The following FAM184B variants were observed in gnomAD, a reference collection of about 807,000 sequenced individuals.
FAM184B encodes protein FAM184B.
A neutral mutation model predicts 135.9 loss-of-function variants in FAM184B; 111 were observed. The observed-to-expected ratio is 0.82, with a 90% CI of 0.70 to 0.96. The LOEUF is 0.96. FAM184B is among the 40% of genes least tolerant of loss of function. FAM184B has a pLI of 0.00. For synonymous variants in FAM184B, 552 were observed against 524.8 expected (o/e 1.05, Z -0.71); for missense variants, 1,375 against 1,323.9 (o/e 1.04, Z -0.60).
chr4:17,660,747 G>A (rs775875574), intron 8 of FAM184B, among the ~76,000 whole-genome samples: 6 of 150,360 alleles, frequency 4.0e-5, no homozygotes, highest in Non-Finnish European at 8.8e-5. Context: ...AAGTGTGATC[G>A]GTTTAGATTG....
At chr4:17,637,323 G>A (rs368509726) in intron 14 of FAM184B, among the ~76,000 whole-genome samples, 2 of 152,186 alleles carry the variant, frequency 1.3e-5, no homozygotes, top group Admixed American at 6.5e-5. Context: ...CACCGCGCCC[G>A]GCCCCCACTG....
At chr4:17,750,510 G>A (rs1022093248) in intron 1 of FAM184B, among the ~76,000 whole-genome samples, 1 of 152,082 alleles carries the variant, frequency 6.6e-6, no homozygotes, top group Admixed American at 6.6e-5. Flanking sequence ...GGCATTTTGG[G>A]CTGGATAATT....
chr4:17,769,556 A>C (rs1718767604), intron 1 of FAM184B, among the ~76,000 whole-genome samples: 1 of 152,088 alleles, frequency 6.6e-6, no homozygotes, highest in South Asian at 2.1e-4. Flanking sequence ...ACTAAGTAAG[A>C]TATTAGCTTG....
intron 1 of FAM184B, among the ~76,000 whole-genome samples, chr4:17,731,313 A>C (rs1242480597): frequency 6.6e-6 from 1 of 152,216 alleles, no homozygotes; most frequent in African/African-American, 2.4e-5. Context: ...ACAGGACTAA[A>C]TAAACACATA....
chr4:17,667,334 G>A (rs1367857379), intron 7 of FAM184B, among the ~76,000 whole-genome samples: 1 of 152,200 alleles, frequency 6.6e-6, no homozygotes, highest in Non-Finnish European at 1.5e-5. Context: ...TGGGCATGTG[G>A]CTGGAGGGTG....
At chr4:17,707,943 C>T (rs1209647018) in intron 2 of FAM184B, among the ~76,000 whole-genome samples, 159 bp from the exon 3 acceptor site, 1 of 152,156 alleles carries the variant, frequency 6.6e-6, no homozygotes, top group Non-Finnish European at 1.5e-5. Flanking sequence ...AATCTCTCCT[C>T]ATCCTCTGGC....
chr4:17,656,831 C>G (rs913461296), intron 10 of FAM184B, among the ~76,000 whole-genome samples: 9 of 152,114 alleles, frequency 5.9e-5, no homozygotes, highest in Admixed American at 2.0e-4. Context: ...TCTCTGTCTC[C>G]TGTCCTCGGA....
At chr4:17,696,834 A>AATGAATGAATG (rs56155024) in intron 5 of FAM184B, among the ~76,000 whole-genome samples, 11 of 146,448 alleles carry the variant, frequency 7.5e-5, no homozygotes, top group African/African-American at 2.1e-4. Context: ...ATGAATGAAT[A>AATGAATGAATG]AATAAATAAA....
intron 13 of FAM184B, among the ~76,000 whole-genome samples, chr4:17,639,732 C>G (rs982906758): frequency 3.9e-5 from 6 of 152,034 alleles, no homozygotes; most frequent in African/African-American, 1.4e-4. Flanking sequence ...AGGCAAGAGG[C>G]TGAGATTCTC....
At chr4:17,768,301 G>A (rs1486652264) in intron 1 of FAM184B, among the ~76,000 whole-genome samples, 3 of 152,234 alleles carry the variant, frequency 2.0e-5, no homozygotes, top group East Asian at 1.9e-4. Flanking sequence ...TATTTGAGAC[G>A]AAGTCTCTTG....
chr4:17,658,313 G>T (rs10939742), intron 10 of FAM184B, 37 bp downstream of exon 10: 912,946 of 1,541,872 alleles, frequency 0.59, 278,694 homozygotes, highest in East Asian at 0.9. Flanking sequence ...CCTAGCAGGT[G>T]CCCGGCACAG....
In FAM184B at chr4:17,709,400, G is replaced by A. The variant is rs977021514; in HGVS notation, c.386C>T (p.Thr129Met). 12 of 1,520,294 alleles carry A rather than the reference G, an allele frequency of 7.9e-6. No homozygotes were observed. The highest frequency in any genetic ancestry group is 1.1e-5 in the Non-Finnish European group (12 of 1,129,034). The allele number at this position is 1,520,294 out of a possible 1,614,324, so 94.2% of individuals were successfully genotyped here. ...LAESASCRLETKERELRVEAE... is the reference protein window; with the variant it reads ...LAESASCRLEMKERELRVEAE... Reference sequence around the variant, plus strand: ...CTCCACCCTCAGCTCTCTCTCCTTCGTCTCCAGCCTGCACGAGGCCGACTC... The same window carrying A: ...CTCCACCCTCAGCTCTCTCTCCTTCATCTCCAGCCTGCACGAGGCCGACTC... The change falls in exon 2 of 18, where the codon ACG (threonine) becomes ATG (methionine). Residue 129 changes from threonine to methionine, a missense_variant. By Grantham distance (81) the Thr-to-Met change is moderately conservative. Coordinates refer to ENST00000265018, the MANE Select transcript of FAM184B (RefSeq NM_015688.2).
intron 1 of FAM184B, among the ~76,000 whole-genome samples, chr4:17,754,593 TTTAGATCTACAGCATAAA>T (rs1718380271): frequency 6.7e-6 from 1 of 149,596 alleles, no homozygotes; most frequent in Admixed American, 6.7e-5. Context: ...AAAAAGAAAC[TTTAGATCTACAGCATAAA>T]ATTTTACTGA....
intron 1 of FAM184B, among the ~76,000 whole-genome samples, chr4:17,733,124 C>A (rs1405667723): frequency 1.3e-5 from 2 of 151,876 alleles, no homozygotes; most frequent in African/African-American, 2.4e-5. Flanking sequence ...AGGCCTTTGA[C>A]AAAATTCAAC....
intron 1 of FAM184B, among the ~76,000 whole-genome samples, chr4:17,758,171 C>T (rs1040360824): frequency 3.3e-5 from 5 of 152,198 alleles, no homozygotes; most frequent in Non-Finnish European, 5.9e-5. Context: ...TTATCTCTAG[C>T]ATATTCCTAG....
Position 17,705,734 on chromosome 4 carries a change from G to T in FAM184B, c.1170+18C>A, listed in dbSNP as rs1170832370. 1.9e-6 allele frequency: 3 copies of T among 1,551,184 alleles called. No homozygotes were observed. Among genetic ancestry groups the T allele is most frequent in the Non-Finnish European group, 2.6e-6 (3 of 1,146,838 alleles). The stretch of plus-strand genomic sequence containing the variant: ...CTCTCTGTGCCTTCTCCATCCCCAG[G>T]GCTGGGTCAGACACTACCTGCATAT... On this transcript the variant is annotated intron_variant, in intron 4 of 17. Coordinates refer to ENST00000265018, the MANE Select transcript of FAM184B (RefSeq NM_015688.2).
chr4:17,777,540 A>T (rs1340538574), intron 1 of FAM184B, among the ~76,000 whole-genome samples: 1 of 152,258 alleles, frequency 6.6e-6, no homozygotes. Context: ...TAGGAAGCAC[A>T]ATCTTAGAAA....
At chr4:17,726,136 G>A (rs183533819) in intron 1 of FAM184B, among the ~76,000 whole-genome samples, 71 of 152,186 alleles carry the variant, frequency 4.7e-4, no homozygotes, top group African/African-American at 1.7e-3. Context: ...GTGTTAGCCA[G>A]GATGGTCTTG....
At chr4:17,684,572 G>C (rs150843106) in intron 7 of FAM184B, among the ~76,000 whole-genome samples, 1 of 152,344 alleles carries the variant, frequency 6.6e-6, no homozygotes, top group Non-Finnish European at 1.5e-5. Flanking sequence ...ATTTGTTTAT[G>C]CACACTTCTC....
Sources: gnomAD v4.1 joint callset for allele counts (sites outside exome capture counted in the v4.1 genomes callset) on GRCh38, gnomAD v4.1.1 for gene constraint, MANE v1.5 for transcripts, NCBI Gene and HGNC (gene_info 2026-07-23, HGNC 2026-07-21) for gene names.